The following DNM3 variants were observed in gnomAD, a reference collection of about 807,000 sequenced individuals.
DNM3 encodes dynamin 3, also known as dynamin-3.
Under a neutral mutation model 101.6 loss-of-function variants are expected in DNM3, and 47 were observed. That is an observed-to-expected ratio of 0.46 (90% CI 0.37 to 0.59). The LOEUF (loss-of-function observed/expected upper bound fraction) is 0.59, where lower values mean the gene tolerates loss of function less well. Among genes scored for constraint, DNM3 ranks in the 20% least tolerant of loss-of-function variants. DNM3 has a pLI of 0.00. For missense variants in DNM3, 849 were observed against 1,085.7 expected (o/e 0.78, Z 3.06); for synonymous variants, 385 against 387.9 (o/e 0.99, Z 0.09).
chr1:172,109,868 G>T (rs1162033289), intron 13 of DNM3, among the ~76,000 whole-genome samples: 1 of 152,186 alleles, frequency 6.6e-6, no homozygotes, highest in Non-Finnish European at 1.5e-5. Context: ...TCATTAAGCA[G>T]CTTGGGAAGA....
chr1:172,230,401 C>T (rs1251095819), intron 14 of DNM3, among the ~76,000 whole-genome samples: 4 of 152,264 alleles, frequency 2.6e-5, no homozygotes, highest in African/African-American at 9.6e-5. Context: ...TACCTCCTTA[C>T]AATATGTATG....
intron 13 of DNM3, among the ~76,000 whole-genome samples, chr1:172,116,979 G>A (rs922024926): frequency 1.4e-4 from 21 of 152,096 alleles, no homozygotes; most frequent in Admixed American, 2.0e-4. Flanking sequence ...GCTGAGGTGG[G>A]CGGATCACCT....
At chr1:172,361,425 A>G (rs1201431658) in intron 17 of DNM3, among the ~76,000 whole-genome samples, 1 of 151,988 alleles carries the variant, frequency 6.6e-6, no homozygotes, top group Non-Finnish European at 1.5e-5. Context: ...GCCTGAGACC[A>G]TAAATAGCAT....
chr1:172,344,448 T>C (rs1175893364), intron 17 of DNM3, among the ~76,000 whole-genome samples: 2 of 152,220 alleles, frequency 1.3e-5, no homozygotes, highest in African/African-American at 4.8e-5. Context: ...TTCACAAATG[T>C]GTTAAAACAA....
intron 15 of DNM3, among the ~76,000 whole-genome samples, chr1:172,262,124 G>A (rs1031048954): frequency 6.6e-6 from 1 of 152,168 alleles, no homozygotes; most frequent in African/African-American, 2.4e-5. Flanking sequence ...GAAGCCTATG[G>A]TTGCTTTCCC....
intron 2 of DNM3, among the ~76,000 whole-genome samples, chr1:171,946,822 G>C (rs1483564806): frequency 2.0e-5 from 3 of 152,136 alleles, no homozygotes. Flanking sequence ...AGGCAAGAGA[G>C]AAAGAGAGAA....
chr1:171,988,864 G>A lies in DNM3; in HGVS notation c.386-81G>A, dbSNP rs2045452318. ...GTTCAGATACACAAAGTAGAAGGCT[G>A]AGCTAAGTGACAAATGATTCTGTAT... is the stretch of plus-strand genomic sequence containing the variant. On this transcript the variant is annotated intron_variant, in intron 3 of 20. Coordinates refer to ENST00000627582, the MANE Select transcript of DNM3 (RefSeq NM_015569.5). 6.0e-5 allele frequency: 75 copies of A among 1,260,342 alleles called. 3 individuals are homozygous for A. The South Asian group carries it at 1.1e-3, about 19-fold the overall frequency. 78.1% of individuals were successfully genotyped at this position (1,260,342 alleles called of 1,614,324 possible). A position where few individuals can be genotyped will look rare whatever the true frequency, so the allele number is the denominator to read the frequency against.
intron 13 of DNM3, among the ~76,000 whole-genome samples, chr1:172,120,185 G>T (rs2056219046): frequency 6.6e-6 from 1 of 152,154 alleles, no homozygotes; most frequent in Non-Finnish European, 1.5e-5. Flanking sequence ...CTACGTGGCT[G>T]GGGAGGCCTT....
chr1:172,001,755 C>T (rs1456847077), intron 4 of DNM3, among the ~76,000 whole-genome samples: 1 of 152,044 alleles, frequency 6.6e-6, no homozygotes, highest in Admixed American at 6.6e-5. Context: ...CCAGAATTAA[C>T]TACTCAGCTG....
At chr1:172,198,179 CT>C (rs774038619) in intron 14 of DNM3, among the ~76,000 whole-genome samples, 1 of 151,826 alleles carries the variant, frequency 6.6e-6, no homozygotes, top group Non-Finnish European at 1.5e-5. Context: ...TGGTTTTTGT[CT>C]AGTTTTGTTT....
At chr1:171,920,714 C>T (rs1350331755) in intron 1 of DNM3, among the ~76,000 whole-genome samples, 1 of 152,152 alleles carries the variant, frequency 6.6e-6, no homozygotes. Context: ...TGTGGCATTG[C>T]AGATGTAATA....
intron 14 of DNM3, among the ~76,000 whole-genome samples, chr1:172,158,382 A>G (rs1348453925): frequency 1.3e-5 from 2 of 152,052 alleles, no homozygotes; most frequent in Non-Finnish European, 2.9e-5. Flanking sequence ...TCTGGAAAAC[A>G]GAGAGACCAT....
intron 13 of DNM3, among the ~76,000 whole-genome samples, chr1:172,109,994 GTTC>G (rs2055344598): frequency 6.6e-6 from 1 of 152,150 alleles, no homozygotes; most frequent in African/African-American, 2.4e-5. Flanking sequence ...TTAATGTGTT[GTTC>G]TTTGTTTTGT....
At chr1:172,349,220 A>G (rs2067089400) in intron 17 of DNM3, among the ~76,000 whole-genome samples, 1 of 152,198 alleles carries the variant, frequency 6.6e-6, no homozygotes, top group Non-Finnish European at 1.5e-5. Flanking sequence ...TAGGGTTTTG[A>G]ATCCTTGCTA....
chr1:172,144,528 A>C, intron 14 of DNM3: 2 of 486,038 alleles, frequency 4.1e-6, no homozygotes, highest in Non-Finnish European at 8.4e-6. Context: ...CCAGCGGTCC[A>C]TGGCGTTGCT....
At chr1:172,101,863 C>G (rs1340481659) in intron 13 of DNM3, among the ~76,000 whole-genome samples, 1 of 151,214 alleles carries the variant, frequency 6.6e-6, no homozygotes, top group African/African-American at 2.4e-5. Context: ...TTTTTTATTA[C>G]TTAATTTTTT....
At chr1:172,226,926 G>C (rs948615948) in intron 14 of DNM3, among the ~76,000 whole-genome samples, 2 of 151,738 alleles carry the variant, frequency 1.3e-5, no homozygotes, top group South Asian at 4.2e-4. Flanking sequence ...TATTTCAATA[G>C]CTCTGGGGGG....
chr1:172,151,651 T>G (rs1041233938), intron 14 of DNM3, among the ~76,000 whole-genome samples: 12 of 152,162 alleles, frequency 7.9e-5, no homozygotes, highest in African/African-American at 2.9e-4. Context: ...AAATAATCAT[T>G]TTTTCTTTAA....
chr1:172,306,130 A>G (rs2064798832), intron 15 of DNM3, among the ~76,000 whole-genome samples: 2 of 152,064 alleles, frequency 1.3e-5, no homozygotes, highest in Admixed American at 6.6e-5. Context: ...TATTTAGAAA[A>G]CCCCATCATC....
Sources: allele counts gnomAD v4.1 joint callset (sites outside exome capture counted in the v4.1 genomes callset), GRCh38; gene constraint gnomAD v4.1.1; transcripts MANE v1.5; gene names NCBI Gene and HGNC (gene_info 2026-07-23, HGNC 2026-07-21).